PSD3: variants seen among roughly 807,000 people sequenced by gnomAD.
PSD3 encodes the protein PH and SEC7 domain-containing protein 3.
PSD3 carries 49 observed loss-of-function variants against 105.5 expected under a neutral mutation model. That is an observed-to-expected ratio of 0.46 (90% CI 0.37 to 0.59). The LOEUF is 0.59. Among genes scored for constraint, PSD3 ranks in the 20% least tolerant of loss-of-function variants. PSD3 has a pLI of 0.00. For missense variants in PSD3, 1,561 were observed against 1,263.8 expected, an observed-to-expected ratio of 1.24 and a Z score of -3.57; for synonymous variants, 557 against 457.8, an observed-to-expected ratio of 1.22 and a Z score of -2.77.
chr8:18,718,776 T>C (rs929803159), intron 9 of PSD3, among the ~76,000 whole-genome samples: 1 of 152,138 alleles, frequency 6.6e-6, no homozygotes, highest in African/African-American at 2.4e-5. Flanking sequence ...GGAAATTTTA[T>C]AATTTAGAGA....
intron 8 of PSD3, among the ~76,000 whole-genome samples, chr8:18,790,181 T>G (rs1271014154): frequency 6.6e-6 from 1 of 152,194 alleles, no homozygotes; most frequent in African/African-American, 2.4e-5. Context: ...GATTAAACTA[T>G]GGCATACTTA....
intron 13 of PSD3, among the ~76,000 whole-genome samples, chr8:18,573,211 T>C (rs1003352087): frequency 6.6e-6 from 1 of 152,196 alleles, no homozygotes; most frequent in African/African-American, 2.4e-5. Context: ...GGCTCATGCC[T>C]GTAATCCCAG....
chr8:19,049,937 G>A (rs1828462084), intron 1 of PSD3, among the ~76,000 whole-genome samples: 1 of 152,054 alleles, frequency 6.6e-6, no homozygotes, highest in African/African-American at 2.4e-5. Context: ...ATCATGACAA[G>A]GGAAGGAATG....
intron 8 of PSD3, 39 bp from the exon 9 acceptor site, chr8:18,765,577 T>A: frequency 7.0e-7 from 1 of 1,431,196 alleles, no homozygotes; most frequent in Non-Finnish European, 9.9e-7. Context: ...ATGACATTCA[T>A]GGAATTAAGA....
intron 2 of PSD3, among the ~76,000 whole-genome samples, chr8:18,925,766 G>T (rs140749735): frequency 6.6e-6 from 1 of 152,174 alleles, no homozygotes; most frequent in African/African-American, 2.4e-5. Flanking sequence ...CGAGGAAGAT[G>T]ACTGGAGGAC....
In PSD3 at chr8:18,530,093, G is replaced by A. The variant is rs904475869; in HGVS notation, c.*5650C>T. The A allele has an allele frequency of 6.6e-6, 1 of 152,470 alleles. No homozygotes were observed. Among genetic ancestry groups the A allele is most frequent in the Non-Finnish European group, 1.5e-5 (1 of 68,026 alleles). 9.4% of individuals were successfully genotyped at this position (152,470 alleles called of 1,614,324 possible). On this transcript the variant is annotated 3_prime_UTR_variant, in exon 16 of 16. Transcript: ENST00000327040. ...CTCTCTGAATCAGCTACAAAGACACGAGGCAGTGTGTTTAAACAAAAGACA... is the reference window on the plus strand; with the variant it reads ...CTCTCTGAATCAGCTACAAAGACACAAGGCAGTGTGTTTAAACAAAAGACA...
In PSD3 at chr8:19,036,361, A is replaced by C. The variant is rs558043817; in HGVS notation, c.324+47845T>G. Among the ~76,000 whole-genome samples the C allele has an allele frequency of 8.6e-5, 13 of 152,036 alleles. No homozygotes were observed. In the East Asian group the frequency reaches 1.6e-3, roughly 18 times the overall value. On this transcript the variant is annotated intron_variant, in intron 1 of 1. Transcript: ENST00000521475. Reference sequence around the variant, plus strand: ...TCCCCTCCCTTCTCCTCCAACCCTAAGTCTGTCCTAGGTTGAAATTTTGAA... The same window carrying C: ...TCCCCTCCCTTCTCCTCCAACCCTACGTCTGTCCTAGGTTGAAATTTTGAA...
At chr8:18,737,860 G>A (rs1410173394) in intron 9 of PSD3, among the ~76,000 whole-genome samples, 1 of 152,086 alleles carries the variant, frequency 6.6e-6, no homozygotes, top group African/African-American at 2.4e-5. Flanking sequence ...TGACCTACTT[G>A]AGCCTGATTT....
At chr8:18,569,437 A>C (rs986459694) in intron 14 of PSD3, among the ~76,000 whole-genome samples, 3 of 150,762 alleles carry the variant, frequency 2.0e-5, no homozygotes, top group African/African-American at 7.3e-5. Context: ...TAGAAAAATC[A>C]CAAGCATTCT....
intron 15 of PSD3, among the ~76,000 whole-genome samples, chr8:18,541,981 G>A (rs951625032): frequency 1.1e-4 from 16 of 152,042 alleles, no homozygotes; most frequent in African/African-American, 3.6e-4. Context: ...TCAAACTCCT[G>A]ACCTCAGGTG....
chr8:18,577,946 G>C (rs1381627193), intron 12 of PSD3, among the ~76,000 whole-genome samples: 1 of 151,860 alleles, frequency 6.6e-6, no homozygotes, highest in East Asian at 1.9e-4. Flanking sequence ...TCTTTAGGTA[G>C]GTGGTATACT....
At chr8:18,790,738 G>C (rs754194667) in intron 8 of PSD3, among the ~76,000 whole-genome samples, 5 of 152,088 alleles carry the variant, frequency 3.3e-5, no homozygotes, top group Non-Finnish European at 7.3e-5. Flanking sequence ...GCAACTGTGA[G>C]ATCTAGCCCT....
chr8:18,637,492 T>A (rs1006763295), intron 10 of PSD3, among the ~76,000 whole-genome samples: 5 of 152,194 alleles, frequency 3.3e-5, no homozygotes, highest in African/African-American at 9.7e-5. Flanking sequence ...TCCCATCGAT[T>A]CCTGGCAACT....
At chr8:19,058,783 G>A (rs900638416) in intron 1 of PSD3, among the ~76,000 whole-genome samples, 8 of 152,090 alleles carry the variant, frequency 5.3e-5, no homozygotes, top group Non-Finnish European at 1.2e-4. Context: ...CATCAGTACC[G>A]AGGCCTGTAG....
intron 1 of PSD3, among the ~76,000 whole-genome samples, chr8:18,971,275 C>A (rs545798540): frequency 2.6e-5 from 4 of 152,162 alleles, no homozygotes; most frequent in African/African-American, 9.7e-5. Flanking sequence ...CAGGCTCAGG[C>A]GGGAACAAGC....
At chr8:18,624,299 T>C (rs1443416719) in intron 11 of PSD3, among the ~76,000 whole-genome samples, 1 of 152,106 alleles carries the variant, frequency 6.6e-6, no homozygotes, top group Non-Finnish European at 1.5e-5. Context: ...CAAGGTAACA[T>C]GTGAAATGAC....
intron 1 of PSD3, among the ~76,000 whole-genome samples, chr8:18,947,608 A>G (rs11774270): frequency 3.3e-3 from 505 of 152,336 alleles, no homozygotes; most frequent in Middle Eastern, 0.014. Context: ...GCTGGCTTCC[A>G]TCGACACACA....
chr8:18,682,909 T>A (rs1800466055), intron 9 of PSD3, among the ~76,000 whole-genome samples: 1 of 152,024 alleles, frequency 6.6e-6, no homozygotes, highest in African/African-American at 2.4e-5. Context: ...CCTGACGCTC[T>A]CTCTGCACAT....
chr8:18,585,925 G>A (rs931769632), intron 12 of PSD3, among the ~76,000 whole-genome samples: 1 of 152,024 alleles, frequency 6.6e-6, no homozygotes, highest in African/African-American at 2.4e-5. Flanking sequence ...ATGACTCTTC[G>A]TAACTCTTCA....
Sources: allele counts gnomAD v4.1 joint callset (sites outside exome capture counted in the v4.1 genomes callset), GRCh38; gene constraint gnomAD v4.1.1; transcripts MANE v1.5; gene names NCBI Gene and HGNC (gene_info 2026-07-23, HGNC 2026-07-21).